The following TENM2 variants were observed in gnomAD, a reference collection of about 807,000 sequenced individuals.
The protein encoded by TENM2 is teneurin-2.
Under a neutral mutation model 245.2 loss-of-function variants are expected in TENM2, and 52 were observed. That is an observed-to-expected ratio of 0.21 (90% CI 0.17 to 0.27). TENM2 has a LOEUF of 0.27. Among genes scored for constraint, TENM2 ranks in the 10% least tolerant of loss-of-function variants. The pLI, the probability that TENM2 is intolerant of heterozygous loss-of-function variation, is 1.00. For missense variants in TENM2, 3,046 were observed against 3,666.8 expected (o/e 0.83, Z 4.37); for synonymous variants, 1,363 against 1,438.9 (o/e 0.95, Z 1.19).
At chr5:167,697,025 G>T (rs144201772) in intron 2 of TENM2, among the ~76,000 whole-genome samples, 2 of 152,318 alleles carry the variant, frequency 1.3e-5, no homozygotes, top group Non-Finnish European at 2.9e-5. Flanking sequence ...TGGCCTCTGC[G>T]CATGCTTCCT....
chr5:167,937,338 C>A (rs765642767), intron 3 of TENM2, among the ~76,000 whole-genome samples: 1 of 152,186 alleles, frequency 6.6e-6, no homozygotes, highest in Non-Finnish European at 1.5e-5. Flanking sequence ...CAAATTTTCA[C>A]GTGCAGATTT....
chr5:167,241,164 T>G, the TENM2 span, among the ~76,000 whole-genome samples: 1 of 152,266 alleles, frequency 6.6e-6, no homozygotes, highest in Admixed American at 6.5e-5. Flanking sequence ...GTGAGCAAAA[T>G]ACCTAGTTCA....
At chr5:167,497,405 A>G (rs756036758) in intron 2 of TENM2, among the ~76,000 whole-genome samples, 1 of 152,110 alleles carries the variant, frequency 6.6e-6, no homozygotes, top group Non-Finnish European at 1.5e-5. Context: ...GATCCTTTCT[A>G]AGGTACCTCA....
At chr5:167,360,358 A>C (rs1430258702) in intron 1 of TENM2, among the ~76,000 whole-genome samples, 1 of 152,214 alleles carries the variant, frequency 6.6e-6, no homozygotes, top group Non-Finnish European at 1.5e-5. Context: ...TCAAGCCCTT[A>C]GAACCAGGCT....
chr5:167,164,917 A>G, the TENM2 span: 2 of 152,226 alleles, frequency 1.3e-5, no homozygotes, highest in Non-Finnish European at 2.9e-5. Flanking sequence ...AAAGATTTTG[A>G]TGATAGGAGA....
the TENM2 span, among the ~76,000 whole-genome samples, chr5:166,987,975 C>G: frequency 3.3e-5 from 5 of 152,168 alleles, no homozygotes; most frequent in Non-Finnish European, 7.3e-5. Context: ...CTTTCCAAAA[C>G]TTATTCACAC....
chr5:167,417,967 T>C (rs1301368405), intron 2 of TENM2, among the ~76,000 whole-genome samples: 1 of 152,214 alleles, frequency 6.6e-6, no homozygotes, highest in South Asian at 2.1e-4. Flanking sequence ...TTAATTTGCA[T>C]TGAATAATGT....
At chr5:167,809,633 C>T (rs1766481675) in intron 2 of TENM2, among the ~76,000 whole-genome samples, 1 of 152,126 alleles carries the variant, frequency 6.6e-6, no homozygotes, top group Non-Finnish European at 1.5e-5. Context: ...ATTTCTCTTT[C>T]CTTACATTGA....
intron 2 of TENM2, among the ~76,000 whole-genome samples, chr5:167,626,052 C>CT (rs1285625209): frequency 1.3e-5 from 2 of 152,132 alleles, no homozygotes; most frequent in Non-Finnish European, 2.9e-5. Context: ...ACATTCTGCT[C>CT]TTTAAAAGTG....
chr5:167,478,782 G>GATAT (rs1242832909), intron 2 of TENM2, among the ~76,000 whole-genome samples: 1 of 152,134 alleles, frequency 6.6e-6, no homozygotes, highest in Non-Finnish European at 1.5e-5. Flanking sequence ...TCGCTTTTAT[G>GATAT]ATATGACTTC....
chr5:167,148,010 A>G, the TENM2 span, among the ~76,000 whole-genome samples: 1 of 152,158 alleles, frequency 6.6e-6, no homozygotes, highest in Non-Finnish European at 1.5e-5. Flanking sequence ...CCTGCCACTT[A>G]TCTCTAGATT....
intron 3 of TENM2, among the ~76,000 whole-genome samples, chr5:167,898,528 G>T (rs1398669500): frequency 6.6e-6 from 1 of 152,186 alleles, no homozygotes; most frequent in Non-Finnish European, 1.5e-5. Context: ...CCAGGCAGCA[G>T]CCTGGACACC....
intron 2 of TENM2, among the ~76,000 whole-genome samples, chr5:167,597,035 A>G (rs1003101512): frequency 6.6e-6 from 1 of 152,020 alleles, no homozygotes; most frequent in African/African-American, 2.4e-5. Flanking sequence ...TCAGTCCTTC[A>G]GTTTTCAGTC....
intron 22 of TENM2, 130 bp downstream of exon 24, chr5:168,217,052 G>T (rs1763258272): frequency 1.9e-6 from 2 of 1,029,564 alleles, no homozygotes; most frequent in South Asian, 2.8e-5. Flanking sequence ...GGGGTTGTTT[G>T]GAGAAAGCCT....
At chr5:168,138,960 C>T (rs1168328508) in intron 12 of TENM2, among the ~76,000 whole-genome samples, 1 of 152,218 alleles carries the variant, frequency 6.6e-6, no homozygotes, top group Non-Finnish European at 1.5e-5. Context: ...TAGACCTCAG[C>T]TGCCTTTTTG....
At position 167,477,441 on chromosome 5, in the gene TENM2, G is replaced by C. The variant is rs969430042; in HGVS notation, c.502+101968G>C. Reference sequence around the variant, plus strand: ...TCTCCAGGCCCTGTTGGCGGGTGGGGGGGGAGGTCTCAGACTATGCTTGAG... The same window carrying C: ...TCTCCAGGCCCTGTTGGCGGGTGGGCGGGGAGGTCTCAGACTATGCTTGAG... On this transcript the variant is annotated intron_variant, in intron 2 of 28. Coordinates refer to ENST00000518659, the Ensembl canonical transcript of TENM2. Among the ~76,000 whole-genome samples the C allele has an allele frequency of 5.2e-4, 79 of 152,230 alleles. 1 individual carries two copies. The East Asian group carries it at 0.014, about 28-fold the overall frequency.
chr5:167,765,635 G>A lies in TENM2; in HGVS notation c.503-110351G>A, dbSNP rs114860715. Among the ~76,000 whole-genome samples the A allele has an allele frequency of 8.5e-3, 1,295 of 152,334 alleles. 23 individuals carry two copies. Among genetic ancestry groups the A allele is most frequent in the African/African-American group, 0.03 (1,230 of 41,570 alleles). On this transcript the variant is annotated intron_variant, in intron 2 of 28. Coordinates refer to ENST00000518659, the Ensembl canonical transcript of TENM2. The stretch of plus-strand genomic sequence containing the variant: ...GCAAGTTAGAGCTTTTATATTATCT[G>A]CCGCGGAGCTCGGTGAATTTAAATG...
chr5:168,159,050 G>A (rs958832063), intron 12 of TENM2, among the ~76,000 whole-genome samples: 27 of 150,940 alleles, frequency 1.8e-4, no homozygotes, highest in Non-Finnish European at 3.5e-4. Flanking sequence ...AAGCTGAGGC[G>A]GGGGAATCAT....
chr5:167,062,299 G>A, the TENM2 span, among the ~76,000 whole-genome samples: 1 of 152,046 alleles, frequency 6.6e-6, no homozygotes. Flanking sequence ...GGCTAATAGG[G>A]TATTTTATAA....
Sources: gnomAD v4.1 joint callset for allele counts (sites outside exome capture counted in the v4.1 genomes callset) on GRCh38, gnomAD v4.1.1 for gene constraint, MANE v1.5 for transcripts, NCBI Gene and HGNC (gene_info 2026-07-23, HGNC 2026-07-21) for gene names.